Variants in SREK1 observed in about 807,000 individuals in gnomAD.
SREK1 encodes splicing regulatory glutamic acid and lysine rich protein 1.
SREK1 carries 13 observed loss-of-function variants against 66.5 expected under a neutral mutation model. The observed-to-expected ratio is 0.20, with a 90% CI of 0.13 to 0.31. SREK1 has a LOEUF of 0.31. Ranked by LOEUF, SREK1 falls within the 10% of genes least tolerant of loss-of-function variation. SREK1 has a pLI of 1.00. For synonymous variants in SREK1, 265 were observed against 263.5 expected (o/e 1.01, Z -0.05); for missense variants, 607 against 769.6 (o/e 0.79, Z 2.50).
intron 1 of SREK1, among the ~76,000 whole-genome samples, chr5:66,148,956 CAAAAT>C (rs780417635): frequency 1.5e-4 from 23 of 152,232 alleles, no homozygotes; most frequent in Non-Finnish European, 2.2e-4. Flanking sequence ...TTATAATGGT[CAAAAT>C]AAAATAGTGT....
Position 66,170,119 on chromosome 5 carries a change from A to G in SREK1, c.1070A>G (p.Lys357Arg). 1 of 1,613,390 alleles carries G rather than the reference A, an allele frequency of 6.2e-7. No individual in the cohort carries two copies. The highest frequency in any genetic ancestry group is 8.5e-7 in the Non-Finnish European group (1 of 1,179,556). Residue 357 changes from lysine (K) to arginine (R), a missense_variant, in exon 8 of 12, where the codon AAA becomes AGA. Physicochemically the swap from Lys to Arg is conservative, Grantham distance 26. This residue lies in a region of SREK1 where 112 missense variants were observed against 168.6 expected (regional missense o/e 0.66). Transcript: ENST00000334121. ...CGTAGATCTAAGAGCCCACATAAAA[A>G]ACGCTCTAAATCAAGGGAGAGACGG... Reference protein sequence around the residue: ...DRRRSKSPHKKRSKSRERRKS... With the variant: ...DRRRSKSPHKRRSKSRERRKS...
chr5:66,172,050 T>G (rs1356932157), intron 9 of SREK1, among the ~76,000 whole-genome samples: 2 of 152,056 alleles, frequency 1.3e-5, no homozygotes, highest in African/African-American at 4.8e-5. Context: ...TTGAAAGCAG[T>G]AGTATATGTT....
At chr5:66,156,194 G>T in intron 2 of SREK1, 1 of 1,288,996 alleles carries the variant, frequency 7.8e-7, no homozygotes, top group South Asian at 2.6e-5. Context: ...CGCAGAAGAT[G>T]GACGCCCTGT....
chr5:66,144,659 C>G (rs1561488748), intron 1 of SREK1, 122 bp downstream of exon 1: 2 of 1,416,334 alleles, frequency 1.4e-6, no homozygotes, highest in Non-Finnish European at 1.8e-6. Flanking sequence ...GCCGGCTTAC[C>G]TTGGTGCCCA....
chr5:66,153,950 A>G (rs887328185), intron 2 of SREK1, among the ~76,000 whole-genome samples: 41 of 152,212 alleles, frequency 2.7e-4, no homozygotes, highest in African/African-American at 8.9e-4. Context: ...TATTAATACT[A>G]TTACAAATGA....
In SREK1 at chr5:66,162,409, C is replaced by T; in HGVS notation, c.577-5C>T. On this transcript the variant is annotated splice_polypyrimidine_tract_variant and splice_region_variant and intron_variant, in intron 4 of 11. Coordinates refer to ENST00000334121, the MANE Select transcript of SREK1 (RefSeq NM_001077199.3). ...TTTTATCAAAGTGTCACTTTGTTCCCTTAGACAACGACAGCTGATCAACTA... is the reference window on the plus strand; with the variant it reads ...TTTTATCAAAGTGTCACTTTGTTCCTTTAGACAACGACAGCTGATCAACTA... 1.2e-6 allele frequency: 2 copies of T among 1,613,358 alleles called. No individual in the cohort carries two copies. The highest frequency in any genetic ancestry group is 1.7e-6 in the Non-Finnish European group (2 of 1,179,564).
chr5:66,149,349 CA>C (rs59361484), intron 1 of SREK1, among the ~76,000 whole-genome samples: 1,907 of 142,232 alleles, frequency 0.013, 40 homozygotes, highest in African/African-American at 0.046. Context: ...AACTCTGTCT[CA>C]AAAAAAAAAG....
intron 9 of SREK1, among the ~76,000 whole-genome samples, chr5:66,172,820 T>C (rs1472537631): frequency 6.7e-6 from 1 of 149,762 alleles, no homozygotes; most frequent in Non-Finnish European, 1.5e-5. Context: ...TACAATTTCT[T>C]TGAATTTTTT....
intron 7 of SREK1, chr5:66,167,675 C>G (rs1479586486): frequency 6.6e-6 from 1 of 152,124 alleles, no homozygotes; most frequent in Non-Finnish European, 1.5e-5. Flanking sequence ...TTTGACATCT[C>G]AATTGCAGGG....
Position 66,182,330 on chromosome 5 carries a change from T to C in SREK1, c.*3462T>C, listed in dbSNP as rs891165285. 2.6e-5 allele frequency: 4 copies of C among 152,176 alleles called. No homozygotes were observed. Among genetic ancestry groups the C allele is most frequent in the Non-Finnish European group, 4.4e-5 (3 of 68,032 alleles). 9.4% of individuals were successfully genotyped at this position (152,176 alleles called of 1,614,324 possible). On this transcript the variant is annotated 3_prime_UTR_variant, in exon 12 of 12. Transcript: ENST00000334121. Reference sequence around the variant, plus strand: ...TTTATTTTCACTACATATATATTATTTTCTCATGTTTATTTACTAATGTAA... The same window carrying C: ...TTTATTTTCACTACATATATATTATCTTCTCATGTTTATTTACTAATGTAA...
rs983688539 is a variant in SREK1, at chr5:66,149,365, A to G, written c.162-4098A>G. On this transcript the variant is annotated intron_variant, in intron 1 of 11. Coordinates refer to ENST00000334121, the MANE Select transcript of SREK1 (RefSeq NM_001077199.3). ...ACTCTGTCTCAAAAAAAAAAGGAAA[A>G]GAAAAGAAAAGAAAATTGCTTAAAT... 9.9e-4 allele frequency among the ~76,000 whole-genome samples: 150 copies of G among 152,108 alleles called. 1 individual carries two copies. Among genetic ancestry groups the G allele is most frequent in the Middle Eastern group, 3.4e-3 (1 of 294 alleles).
chr5:66,155,223 A>T (rs921077788), intron 2 of SREK1, among the ~76,000 whole-genome samples: 6 of 152,158 alleles, frequency 3.9e-5, no homozygotes, highest in African/African-American at 1.4e-4. Flanking sequence ...AGTCAGATGT[A>T]CCTTTTTAGT....
chr5:66,162,104 G>C lies in SREK1; in HGVS notation c.412-5G>C, dbSNP rs374216246. The C allele has an allele frequency of 6.2e-7, 1 of 1,600,206 alleles. No homozygotes were observed. Among genetic ancestry groups the C allele is most frequent in the South Asian group, 1.1e-5 (1 of 88,070 alleles). Reference sequence around the variant, plus strand: ...TTCTGTGTGTTTTTTTTCTTCTTTCGATAGCTTGGTGTTTCACTTAGCAGT... The same window carrying C: ...TTCTGTGTGTTTTTTTTCTTCTTTCCATAGCTTGGTGTTTCACTTAGCAGT... On this transcript the variant is annotated splice_polypyrimidine_tract_variant and splice_region_variant and intron_variant, in intron 3 of 11. Transcript: ENST00000334121.
Position 66,183,025 on chromosome 5 carries a change from G to T in SREK1, c.*4157G>T, listed in dbSNP as rs1409506417. 1 of 152,104 alleles carries T rather than the reference G, an allele frequency of 6.6e-6. No homozygotes were observed. The highest frequency in any genetic ancestry group is 1.5e-5 in the Non-Finnish European group (1 of 68,008). 9.4% of individuals were successfully genotyped at this position (152,104 alleles called of 1,614,324 possible). ...CAATTAGCTTATATCAGATATAACA[G>T]TTCTTAATATAATGTTTATAAAAGG... On this transcript the variant is annotated 3_prime_UTR_variant, in exon 12 of 12. Transcript: ENST00000334121.
Position 66,148,260 on chromosome 5 carries a change from G to T in SREK1, c.161+3723G>T, listed in dbSNP as rs149369578. Reference sequence around the variant, plus strand: ...TTTTGTACATGATACTGTATGCTTCGCTCATGTTTTGGCATATCTTTTTTG... The same window carrying T: ...TTTTGTACATGATACTGTATGCTTCTCTCATGTTTTGGCATATCTTTTTTG... On this transcript the variant is annotated intron_variant, in intron 1 of 11. Coordinates refer to ENST00000334121, the MANE Select transcript of SREK1 (RefSeq NM_001077199.3). Among the ~76,000 whole-genome samples, 7 of 152,014 alleles carry T rather than the reference G, an allele frequency of 4.6e-5. No homozygotes were observed. In the East Asian group the frequency reaches 1.3e-3, roughly 29 times the overall value.
At chr5:66,174,656 T>C (rs1034980459) in intron 9 of SREK1, 1 of 222,130 alleles carries the variant, frequency 4.5e-6, no homozygotes, top group African/African-American at 2.3e-5. Context: ...TTAATATTTT[T>C]TCTACTGAAG....
chr5:66,182,463 T>A lies in SREK1; in HGVS notation c.*3595T>A, dbSNP rs571118533. 141 of 152,332 alleles carry A rather than the reference T, an allele frequency of 9.3e-4. No individual in the cohort carries two copies. Among genetic ancestry groups the A allele is most frequent in the African/African-American group, 3.1e-3 (128 of 41,568 alleles). 9.4% of individuals were successfully genotyped at this position (152,332 alleles called of 1,614,324 possible). A position where few individuals can be genotyped will look rare whatever the true frequency, so the allele number is the denominator to read the frequency against. Reference sequence around the variant, plus strand: ...GAGTTTAGTATAAATGTAATAAAATTTTAAAATAAAATTGACTTCCCTACT... The same window carrying A: ...GAGTTTAGTATAAATGTAATAAAATATTAAAATAAAATTGACTTCCCTACT... On this transcript the variant is annotated 3_prime_UTR_variant, in exon 12 of 12. Coordinates refer to ENST00000334121, the MANE Select transcript of SREK1 (RefSeq NM_001077199.3).
Position 66,170,935 on chromosome 5 carries a change from G to T in SREK1, c.1472G>T (p.Arg491Leu), listed in dbSNP as rs373796611. The change falls in exon 9 of 12, where the codon CGT becomes CTT. Residue 491 changes from arginine (R) to leucine (L), a missense_variant. Physicochemically the swap from Arg to Leu is moderately radical, Grantham distance 102. Transcript: ENST00000334121. ...PRSYNASRRS[R>L]SSSRERRRRR... Reference sequence around the variant, plus strand: ...AGTTACAATGCATCGCGAAGATCTCGTAGTTCCAGCAGGTTTGATAATGCT... The same window carrying T: ...AGTTACAATGCATCGCGAAGATCTCTTAGTTCCAGCAGGTTTGATAATGCT... The T allele has an allele frequency of 1.2e-6, 2 of 1,604,256 alleles. No individual in the cohort carries two copies. The highest frequency in any genetic ancestry group is 1.7e-6 in the Non-Finnish European group (2 of 1,177,026).
At chr5:66,163,712 T>C in intron 5 of SREK1, 80 bp from the exon 6 acceptor site, 1 of 1,435,140 alleles carries the variant, frequency 7.0e-7, no homozygotes, top group Non-Finnish European at 9.4e-7. Context: ...CGTTTATAAA[T>C]ATGTGTATCA....
Sources: gnomAD v4.1 joint callset for allele counts (sites outside exome capture counted in the v4.1 genomes callset) on GRCh38, gnomAD v4.1.1 for gene constraint, gnomAD v4.1.1 regional missense constraint, MANE v1.5 for transcripts, NCBI Gene and HGNC (gene_info 2026-07-23, HGNC 2026-07-21) for gene names.